The following SNTG2 variants were observed in gnomAD, a reference collection of about 807,000 sequenced individuals.
SNTG2 encodes gamma-2-syntrophin.
A neutral mutation model predicts 70.9 loss-of-function variants in SNTG2; 74 were observed. The ratio of observed to expected loss-of-function variants is 1.04; its 90% CI spans 0.86 to 1.27. The LOEUF (loss-of-function observed/expected upper bound fraction) is 1.27. SNTG2 is among the 50% of genes most tolerant of loss of function. The pLI is 0.00. For missense variants in SNTG2, 717 were observed against 690.7 expected, an observed-to-expected ratio of 1.04 and a Z score of -0.43; for synonymous variants, 278 against 273.8, an observed-to-expected ratio of 1.02 and a Z score of -0.15.
intron 6 of SNTG2, among the ~76,000 whole-genome samples, chr2:1,138,963 T>C (rs1043395664): frequency 6.6e-6 from 1 of 152,220 alleles, no homozygotes; most frequent in Admixed American, 6.5e-5. Context: ...TCACTCAGAA[T>C]TCATCTGTGT....
intron 8 of SNTG2, among the ~76,000 whole-genome samples, chr2:1,201,832 T>C (rs548517952): frequency 2.0e-5 from 3 of 152,102 alleles, no homozygotes; most frequent in African/African-American, 7.2e-5. Context: ...TGGTCTGAAT[T>C]ACATATCATG....
chr2:1,210,237 T>A (rs1416958481), intron 9 of SNTG2, among the ~76,000 whole-genome samples: 1 of 152,218 alleles, frequency 6.6e-6, no homozygotes, highest in African/African-American at 2.4e-5. Flanking sequence ...ATTTTCAGAT[T>A]TGTGCCCATC....
At chr2:1,335,414 T>C (rs1255997652) in intron 16 of SNTG2, among the ~76,000 whole-genome samples, 1 of 152,120 alleles carries the variant, frequency 6.6e-6, no homozygotes, top group Admixed American at 6.5e-5. Context: ...GAACCAGGGC[T>C]ATAGCTTCTG....
chr2:984,530 C>T (rs1661241507), intron 1 of SNTG2, among the ~76,000 whole-genome samples: 1 of 152,204 alleles, frequency 6.6e-6, no homozygotes, highest in African/African-American at 2.4e-5. Context: ...CTCCCATCCC[C>T]TCTCGTCCTC....
chr2:1,257,097 A>G (rs772536536), intron 12 of SNTG2, among the ~76,000 whole-genome samples: 37 of 152,004 alleles, frequency 2.4e-4, no homozygotes, highest in Non-Finnish European at 4.9e-4. Flanking sequence ...CCTCTGGTAC[A>G]TTGTCACAGC....
chr2:1,285,102 C>T (rs977095644), intron 14 of SNTG2, among the ~76,000 whole-genome samples: 6 of 152,078 alleles, frequency 3.9e-5, no homozygotes, highest in African/African-American at 1.2e-4. Context: ...GTCCCATGTT[C>T]AAGGGCAGGA....
At chr2:1,250,889 A>C (rs1677714978) in intron 12 of SNTG2, among the ~76,000 whole-genome samples, 1 of 152,150 alleles carries the variant, frequency 6.6e-6, no homozygotes, top group South Asian at 2.1e-4. Context: ...TTTTCCTATA[A>C]AAGTTATCTA....
chr2:1,071,177 T>C (rs897126474), intron 1 of SNTG2, among the ~76,000 whole-genome samples: 7 of 152,082 alleles, frequency 4.6e-5, no homozygotes, highest in African/African-American at 1.4e-4. Context: ...CTATAAATCA[T>C]GCTGCTATAA....
intron 16 of SNTG2, among the ~76,000 whole-genome samples, chr2:1,324,891 T>C (rs1681697641): frequency 6.6e-6 from 1 of 152,208 alleles, no homozygotes; most frequent in South Asian, 2.1e-4. Flanking sequence ...GTATTGACCA[T>C]CAGACTGTGC....
chr2:1,075,754 A>G (rs371946926), intron 1 of SNTG2, among the ~76,000 whole-genome samples: 5 of 152,066 alleles, frequency 3.3e-5, no homozygotes, highest in East Asian at 1.9e-4. Flanking sequence ...AAGAGAGTTT[A>G]TTTTTCTTTC....
At chr2:969,238 C>T (rs4462815) in intron 1 of SNTG2, among the ~76,000 whole-genome samples, 51,492 of 151,804 alleles carry the variant, frequency 0.34, 9,430 homozygotes, top group Middle Eastern at 0.46. Context: ...TGTTTTTGTA[C>T]CTGTACCATG....
intron 8 of SNTG2, among the ~76,000 whole-genome samples, chr2:1,196,719 T>G (rs1354578209): frequency 6.6e-6 from 1 of 152,042 alleles, no homozygotes; most frequent in Non-Finnish European, 1.5e-5. Flanking sequence ...GAAAATGAGA[T>G]GATACATTCA....
chr2:1,124,665 C>T (rs1667596899), intron 4 of SNTG2, among the ~76,000 whole-genome samples: 1 of 152,112 alleles, frequency 6.6e-6, no homozygotes, highest in Admixed American at 6.5e-5. Flanking sequence ...GGACGCTATG[C>T]CAGGGGAAAC....
chr2:1,046,795 C>G (rs1661762002), intron 1 of SNTG2, among the ~76,000 whole-genome samples: 1 of 151,948 alleles, frequency 6.6e-6, no homozygotes, highest in Admixed American at 6.6e-5. Context: ...AACATTTTTT[C>G]TTTTGTATTG....
chr2:1,338,598 T>G (rs1388601424), intron 16 of SNTG2, among the ~76,000 whole-genome samples: 1 of 152,192 alleles, frequency 6.6e-6, no homozygotes, highest in Non-Finnish European at 1.5e-5. Context: ...TTTTTCTAGG[T>G]GCCTCATAGA....
At chr2:971,235 CTG>C (rs1292861581) in intron 1 of SNTG2, among the ~76,000 whole-genome samples, 1 of 152,056 alleles carries the variant, frequency 6.6e-6, no homozygotes, top group Non-Finnish European at 1.5e-5. Flanking sequence ...CTTGACTTGT[CTG>C]TGAATTTGTT....
At chr2:1,238,499 A>C (rs2148107944) in intron 10 of SNTG2, among the ~76,000 whole-genome samples, 1 of 152,350 alleles carries the variant, frequency 6.6e-6, no homozygotes, top group South Asian at 2.1e-4. Context: ...GTCCCCCAGA[A>C]ACGAAAAAGT....
At chr2:1,113,194 G>A (rs566448819) in intron 4 of SNTG2, among the ~76,000 whole-genome samples, 1 of 151,176 alleles carries the variant, frequency 6.6e-6, no homozygotes, top group Non-Finnish European at 1.5e-5. Flanking sequence ...AGTCCTTTGA[G>A]AAGGATCGTG....
At chr2:1,074,825 T>A (rs1026319392) in intron 1 of SNTG2, among the ~76,000 whole-genome samples, 2 of 152,244 alleles carry the variant, frequency 1.3e-5, no homozygotes, top group Non-Finnish European at 2.9e-5. Flanking sequence ...AGTTATTTTT[T>A]AAACAAGTCT....
Sources: allele counts gnomAD v4.1 joint callset (sites outside exome capture counted in the v4.1 genomes callset), GRCh38; gene constraint gnomAD v4.1.1; transcripts MANE v1.5; gene names NCBI Gene and HGNC (gene_info 2026-07-23, HGNC 2026-07-21).